Variants in NFIB observed in about 807,000 individuals in gnomAD.
The protein encoded by NFIB is nuclear factor 1 B-type.
A neutral mutation model predicts 61.5 loss-of-function variants in NFIB; 11 were observed. The observed-to-expected ratio is 0.18, with a 90% CI of 0.11 to 0.30. The LOEUF (loss-of-function observed/expected upper bound fraction) is 0.30, where lower values mean the gene tolerates loss of function less well. Ranked by LOEUF, NFIB falls within the 10% of genes least tolerant of loss-of-function variation. NFIB has a pLI of 1.00. For synonymous variants in NFIB, 260 were observed against 216.5 expected (o/e 1.20, Z -1.76); for missense variants, 471 against 608.9 (o/e 0.77, Z 2.38).
intron 1 of NFIB, among the ~76,000 whole-genome samples, chr9:14,355,087 G>C (rs1196386931): frequency 6.6e-6 from 1 of 152,118 alleles, no homozygotes; most frequent in South Asian, 2.1e-4. Context: ...CAGTGACTTG[G>C]AACACTGCAC....
intron 7 of NFIB, among the ~76,000 whole-genome samples, chr9:14,125,032 T>A (rs1331872008): frequency 6.6e-6 from 1 of 152,176 alleles, no homozygotes; most frequent in Non-Finnish European, 1.5e-5. Context: ...TCAGGACTAA[T>A]CCTGAAGCTA....
intron 10 of NFIB, among the ~76,000 whole-genome samples, chr9:14,091,221 G>C (rs1477720250): frequency 2.0e-5 from 3 of 151,384 alleles, no homozygotes; most frequent in African/African-American, 7.3e-5. Flanking sequence ...ATAAGGCACA[G>C]ACATTTTTTA....
intron 6 of NFIB, among the ~76,000 whole-genome samples, chr9:14,129,163 A>C (rs1313514032): frequency 6.6e-6 from 1 of 152,190 alleles, no homozygotes; most frequent in East Asian, 1.9e-4. Context: ...AACAAAAGTA[A>C]CTTATAATAG....
chr9:14,285,208 C>T (rs1246022621), intron 2 of NFIB, among the ~76,000 whole-genome samples: 1 of 152,180 alleles, frequency 6.6e-6, no homozygotes, highest in East Asian at 1.9e-4. Context: ...CTGCAACCTC[C>T]ACCTCCCAGG....
chr9:14,181,650 C>T (rs2046791037), intron 2 of NFIB, among the ~76,000 whole-genome samples: 1 of 152,214 alleles, frequency 6.6e-6, no homozygotes, highest in Non-Finnish European at 1.5e-5. Flanking sequence ...GTTCCTCTGA[C>T]AAATGTCTCT....
At chr9:14,329,053 C>T (rs1379473010) in intron 1 of NFIB, among the ~76,000 whole-genome samples, 1 of 152,146 alleles carries the variant, frequency 6.6e-6, no homozygotes, top group Non-Finnish European at 1.5e-5. Flanking sequence ...TCTCCACAGT[C>T]CCCTTTGCCC....
At chr9:14,469,467 G>C in the NFIB span, among the ~76,000 whole-genome samples, 9 of 152,142 alleles carry the variant, frequency 5.9e-5, no homozygotes, top group Non-Finnish European at 1.3e-4. Flanking sequence ...CAGTGAGTTT[G>C]CCTTTGCCCA....
At chr9:14,395,019 T>C (rs1277576814) in intron 1 of NFIB, among the ~76,000 whole-genome samples, 1 of 152,162 alleles carries the variant, frequency 6.6e-6, no homozygotes, top group Non-Finnish European at 1.5e-5. Context: ...TCCGCAAGAA[T>C]TGGAAATTTT....
rs1275045511 is a variant in NFIB, at chr9:14,086,154, G to C, written c.*2155C>G. The C allele has an allele frequency of 1.8e-5, 4 of 224,194 alleles. No individual in the cohort carries two copies. The highest frequency in any genetic ancestry group is 6.7e-5 in the African/African-American group (3 of 44,802). 13.9% of individuals were successfully genotyped at this position (224,194 alleles called of 1,614,324 possible). The stretch of plus-strand genomic sequence containing the variant: ...GTGTAAGTTGAAGTTTGTCACAGTA[G>C]GCAGAACAGTCGCTTTGCAGCCCAG... On this transcript the variant is annotated 3_prime_UTR_variant, in exon 11 of 11. Coordinates refer to ENST00000380953, the MANE Select transcript of NFIB (RefSeq NM_001190737.2).
intron 6 of NFIB, among the ~76,000 whole-genome samples, chr9:14,138,985 A>T (rs1046291578): frequency 3.9e-5 from 6 of 152,094 alleles, no homozygotes; most frequent in African/African-American, 1.4e-4. Flanking sequence ...ACTCACAAAT[A>T]CACCTCTATT....
At chr9:14,355,713 C>G (rs1188597903) in intron 1 of NFIB, among the ~76,000 whole-genome samples, 2 of 152,142 alleles carry the variant, frequency 1.3e-5, no homozygotes, top group Non-Finnish European at 2.9e-5. Flanking sequence ...TCCCAACACT[C>G]TGGGAGGCCG....
chr9:14,380,490 T>A (rs959320255), intron 1 of NFIB, among the ~76,000 whole-genome samples: 1 of 152,214 alleles, frequency 6.6e-6, no homozygotes, highest in Non-Finnish European at 1.5e-5. Context: ...CAATTCCGAA[T>A]TTATCCATAT....
At chr9:14,297,498 G>A (rs2059509387) in intron 2 of NFIB, among the ~76,000 whole-genome samples, 1 of 152,128 alleles carries the variant, frequency 6.6e-6, no homozygotes, top group Non-Finnish European at 1.5e-5. Flanking sequence ...GGGAAAAACA[G>A]TTTAAAACAC....
At chr9:14,489,001 T>C in the NFIB span, among the ~76,000 whole-genome samples, 2 of 152,280 alleles carry the variant, frequency 1.3e-5, no homozygotes, top group African/African-American at 4.8e-5. Flanking sequence ...TCTCTTGAAA[T>C]TGTGGTAAGG....
At chr9:14,263,415 C>T (rs992649555) in intron 2 of NFIB, among the ~76,000 whole-genome samples, 2 of 152,100 alleles carry the variant, frequency 1.3e-5, no homozygotes, top group African/African-American at 2.4e-5. Context: ...AAACCAAGTA[C>T]GTACTCTTGT....
At chr9:14,458,182 T>C in the NFIB span, among the ~76,000 whole-genome samples, 14 of 152,320 alleles carry the variant, frequency 9.2e-5, no homozygotes, top group African/African-American at 3.4e-4. Context: ...TCAAGTGGGC[T>C]TCATCCCTGG....
At chr9:14,251,990 G>C (rs2055683129) in intron 2 of NFIB, among the ~76,000 whole-genome samples, 1 of 152,180 alleles carries the variant, frequency 6.6e-6, no homozygotes, top group Admixed American at 6.5e-5. Flanking sequence ...ATGGTAGTAA[G>C]ACATTAATTA....
chr9:14,156,078 T>C (rs1057254146), intron 3 of NFIB, among the ~76,000 whole-genome samples, 185 bp from the exon 4 acceptor site: 1 of 152,180 alleles, frequency 6.6e-6, no homozygotes, highest in Non-Finnish European at 1.5e-5. Context: ...AAATAAAAAG[T>C]TTAGATACCA....
chr9:14,184,065 G>A (rs924027182), intron 2 of NFIB, among the ~76,000 whole-genome samples: 7 of 149,826 alleles, frequency 4.7e-5, no homozygotes, highest in Admixed American at 1.3e-4. Flanking sequence ...TTTTAAAAGC[G>A]GTCAATCTCT....
Sources: allele counts gnomAD v4.1 joint callset (sites outside exome capture counted in the v4.1 genomes callset), GRCh38; gene constraint gnomAD v4.1.1; transcripts MANE v1.5; gene names NCBI Gene and HGNC (gene_info 2026-07-23, HGNC 2026-07-21).